TOX: variants seen among roughly 807,000 people sequenced by gnomAD.
TOX encodes the protein thymocyte selection associated high mobility group box.
Under a neutral mutation model 53.7 loss-of-function variants are expected in TOX, and 11 were observed. That is an observed-to-expected ratio of 0.20 (90% CI 0.13 to 0.34). The LOEUF (loss-of-function observed/expected upper bound fraction) is 0.34, where lower values mean the gene tolerates loss of function less well. TOX is among the 10% of genes least tolerant of loss of function. The pLI, the probability that TOX is intolerant of heterozygous loss-of-function variation, is 1.00. For missense variants in TOX, 570 were observed against 664.6 expected, an observed-to-expected ratio of 0.86 and a Z score of 1.56; for synonymous variants, 225 against 245.3, an observed-to-expected ratio of 0.92 and a Z score of 0.77.
chr8:58,928,072 C>G (rs13256007), intron 3 of TOX, among the ~76,000 whole-genome samples: 1 of 152,164 alleles, frequency 6.6e-6, no homozygotes, highest in African/African-American at 2.4e-5. Context: ...CTCATACTTT[C>G]GTCAAGTTTA....
At chr8:59,015,811 G>T (rs1585965515) in intron 1 of TOX, among the ~76,000 whole-genome samples, 2 of 152,156 alleles carry the variant, frequency 1.3e-5, no homozygotes, top group East Asian at 1.9e-4. Context: ...GTGATAATGT[G>T]CTCATAGAAG....
intron 2 of TOX, among the ~76,000 whole-genome samples, chr8:58,951,682 G>A (rs1293839417): frequency 6.6e-6 from 1 of 152,178 alleles, no homozygotes; most frequent in Non-Finnish European, 1.5e-5. Context: ...AATGCTGGGA[G>A]GCCCAGTTGC....
At chr8:59,077,750 T>C (rs1290768431) in intron 1 of TOX, among the ~76,000 whole-genome samples, 1 of 152,218 alleles carries the variant, frequency 6.6e-6, no homozygotes, top group Non-Finnish European at 1.5e-5. Flanking sequence ...TACTTATTGA[T>C]TCATGCTTGT....
chr8:58,952,052 C>G (rs568890842), intron 2 of TOX, among the ~76,000 whole-genome samples: 72 of 152,176 alleles, frequency 4.7e-4, no homozygotes, highest in Non-Finnish European at 8.8e-4. Flanking sequence ...AGGTCTGCTC[C>G]CAAACTGAGG....
chr8:58,954,458 G>C (rs908191788), intron 2 of TOX, among the ~76,000 whole-genome samples: 2 of 152,188 alleles, frequency 1.3e-5, no homozygotes, highest in Non-Finnish European at 2.9e-5. Flanking sequence ...GCACAGGAGA[G>C]CCAGACAGAA....
At chr8:59,034,895 T>A (rs1814428164) in intron 1 of TOX, among the ~76,000 whole-genome samples, 1 of 152,188 alleles carries the variant, frequency 6.6e-6, no homozygotes, top group South Asian at 2.1e-4. Flanking sequence ...CCCCATTTTA[T>A]AAGTGAGCAA....
At chr8:58,868,046 G>A (rs1010163519) in intron 3 of TOX, among the ~76,000 whole-genome samples, 2 of 152,174 alleles carry the variant, frequency 1.3e-5, no homozygotes, top group East Asian at 3.9e-4. Context: ...GAGGGGCCTG[G>A]TGGGATATAA....
chr8:58,927,952 A>C (rs918567493), intron 3 of TOX, among the ~76,000 whole-genome samples: 40 of 152,212 alleles, frequency 2.6e-4, no homozygotes, highest in Admixed American at 1.5e-3. Flanking sequence ...CCCACCACTC[A>C]TACGGCTTCT....
intron 3 of TOX, among the ~76,000 whole-genome samples, chr8:58,864,934 A>G (rs948858186): frequency 2.0e-5 from 3 of 152,208 alleles, no homozygotes; most frequent in African/African-American, 7.2e-5. Flanking sequence ...CTTTCACTTT[A>G]ACAGTGAAAG....
chr8:59,099,071 A>G (rs1055223291), intron 1 of TOX, among the ~76,000 whole-genome samples: 9 of 152,338 alleles, frequency 5.9e-5, no homozygotes, highest in African/African-American at 1.9e-4. Flanking sequence ...GTGCCTTAAA[A>G]GACAACAGCA....
At chr8:59,102,790 GAGA>G (rs1804828587) in intron 1 of TOX, among the ~76,000 whole-genome samples, 1 of 152,146 alleles carries the variant, frequency 6.6e-6, no homozygotes, top group African/African-American at 2.4e-5. Context: ...GTGGAAGGAA[GAGA>G]AGAAGGGAGG....
chr8:58,937,888 G>A (rs1161078994), intron 3 of TOX, among the ~76,000 whole-genome samples: 4 of 152,098 alleles, frequency 2.6e-5, no homozygotes, highest in Non-Finnish European at 5.9e-5. Flanking sequence ...TAGTCCCAAA[G>A]AGAAGTAGGC....
At chr8:58,914,171 A>AACCC (rs1415771941) in intron 3 of TOX, among the ~76,000 whole-genome samples, 1 of 152,240 alleles carries the variant, frequency 6.6e-6, no homozygotes, top group Non-Finnish European at 1.5e-5. Flanking sequence ...TGATGGGAAG[A>AACCC]ACCCAAAGAG....
At chr8:59,007,857 A>G (rs532992760) in intron 1 of TOX, among the ~76,000 whole-genome samples, 1 of 152,300 alleles carries the variant, frequency 6.6e-6, no homozygotes, top group South Asian at 2.1e-4. Context: ...AACTTTGGGG[A>G]AGTTTGTCTA....
chr8:58,897,786 C>T (rs1811676633), intron 3 of TOX, among the ~76,000 whole-genome samples: 1 of 151,150 alleles, frequency 6.6e-6, no homozygotes, highest in Admixed American at 6.6e-5. Context: ...AATGATAAAT[C>T]CTGTTTGCCC....
intron 1 of TOX, among the ~76,000 whole-genome samples, chr8:59,075,333 G>C (rs1395582584): frequency 2.0e-5 from 3 of 152,140 alleles, no homozygotes; most frequent in Non-Finnish European, 2.9e-5. Flanking sequence ...GGGACTCTCT[G>C]ACCTTCCCCC....
At chr8:58,979,943 A>G (rs1403778316) in intron 1 of TOX, among the ~76,000 whole-genome samples, 2 of 152,244 alleles carry the variant, frequency 1.3e-5, no homozygotes, top group Non-Finnish European at 2.9e-5. Context: ...AACAAATGCA[A>G]CTATTATCTT....
chr8:58,952,163 G>A (rs6995948), intron 2 of TOX, among the ~76,000 whole-genome samples: 2,720 of 152,172 alleles, frequency 0.018, 99 homozygotes, highest in African/African-American at 0.062. Flanking sequence ...GGGGTAGGTG[G>A]AAAACACCTT....
chr8:58,861,722 T>C (rs780359669), intron 3 of TOX, among the ~76,000 whole-genome samples: 23 of 152,206 alleles, frequency 1.5e-4, no homozygotes, highest in South Asian at 6.2e-4. Flanking sequence ...TGTGTATTCA[T>C]AGCAGCATGA....
Sources: gnomAD v4.1 joint callset for allele counts (sites outside exome capture counted in the v4.1 genomes callset) on GRCh38, gnomAD v4.1.1 for gene constraint, MANE v1.5 for transcripts, NCBI Gene and HGNC (gene_info 2026-07-23, HGNC 2026-07-21) for gene names.